MYO5B: variants seen among roughly 807,000 people sequenced by gnomAD.
MYO5B encodes the protein myosin VB.
In MYO5B, 143 loss-of-function variants were observed where a neutral mutation model predicts 229.3. That is an observed-to-expected ratio of 0.62 (90% CI 0.54 to 0.72). The LOEUF (loss-of-function observed/expected upper bound fraction) is 0.72, where lower values mean the gene tolerates loss of function less well. Among genes scored for constraint, MYO5B ranks in the 30% least tolerant of loss-of-function variants. The pLI, the probability that MYO5B is intolerant of heterozygous loss-of-function variation, is 0.00. For synonymous variants in MYO5B, 918 were observed against 885.2 expected (o/e 1.04, Z -0.66); for missense variants, 2,321 against 2,331.0 (o/e 1.00, Z 0.09).
At chr18:49,879,755 G>C (rs2024566438) in intron 23 of MYO5B, among the ~76,000 whole-genome samples, 1 of 152,172 alleles carries the variant, frequency 6.6e-6, no homozygotes, top group African/African-American at 2.4e-5. Context: ...GACTCTCCCT[G>C]CTCCTCCACA....
chr18:49,979,960 G>A (rs909844750), intron 9 of MYO5B, among the ~76,000 whole-genome samples: 2 of 152,224 alleles, frequency 1.3e-5, no homozygotes, highest in Non-Finnish European at 2.9e-5. Context: ...TTGACAGCTT[G>A]CAGTACTTTC....
At chr18:50,108,297 T>C (rs1038918001) in intron 1 of MYO5B, among the ~76,000 whole-genome samples, 3 of 152,242 alleles carry the variant, frequency 2.0e-5, no homozygotes, top group Non-Finnish European at 2.9e-5. Flanking sequence ...GAGCTTTGTC[T>C]ATAGTTGAAC....
chr18:50,005,072 G>T (rs1734378320), intron 4 of MYO5B, among the ~76,000 whole-genome samples: 2 of 152,126 alleles, frequency 1.3e-5, no homozygotes, highest in African/African-American at 4.8e-5. Context: ...AGATACCTAG[G>T]TCTCTAATTC....
At chr18:50,052,872 A>G (rs1196481914) in intron 2 of MYO5B, among the ~76,000 whole-genome samples, 1 of 152,170 alleles carries the variant, frequency 6.6e-6, no homozygotes, top group Non-Finnish European at 1.5e-5. Flanking sequence ...GGAAGGTCCT[A>G]TCATAAGTCA....
intron 10 of MYO5B, 75 bp from the exon 11 acceptor site, chr18:49,963,105 C>G: frequency 8.3e-7 from 1 of 1,208,034 alleles, no homozygotes; most frequent in South Asian, 1.2e-5. Context: ...CAAAGCTGCT[C>G]TGACCCAGGT....
chr18:50,094,632 G>C (rs2031514864), intron 1 of MYO5B, among the ~76,000 whole-genome samples: 1 of 152,080 alleles, frequency 6.6e-6, no homozygotes, highest in Non-Finnish European at 1.5e-5. Flanking sequence ...TACCAAACAA[G>C]GGAAAAAACC....
At chr18:49,996,428 G>T (rs761602900) in intron 5 of MYO5B, among the ~76,000 whole-genome samples, 6 of 152,080 alleles carry the variant, frequency 3.9e-5, no homozygotes, top group Non-Finnish European at 8.8e-5. Context: ...CACCAGTAGG[G>T]AAAACATAAA....
At chr18:49,937,185 C>G (rs1002282613) in intron 15 of MYO5B, 60 bp downstream of exon 15, 65 of 1,597,958 alleles carry the variant, frequency 4.1e-5, no homozygotes, top group Middle Eastern at 1.7e-4. Context: ...CATCCTTCAT[C>G]TACAGAGAGG....
chr18:50,094,417 C>T (rs72917854), intron 1 of MYO5B, among the ~76,000 whole-genome samples: 4,746 of 152,056 alleles, frequency 0.031, 112 homozygotes, highest in Non-Finnish European at 0.047. Context: ...GAATTATGGA[C>T]GACACTTCTT....
chr18:50,019,417 T>C (rs2026251421), intron 4 of MYO5B, among the ~76,000 whole-genome samples: 1 of 152,214 alleles, frequency 6.6e-6, no homozygotes, highest in Non-Finnish European at 1.5e-5. Context: ...GGCTACTCTA[T>C]GCTATTCTAC....
chr18:50,138,653 A>C (rs1322358293), intron 1 of MYO5B, among the ~76,000 whole-genome samples: 1 of 140,572 alleles, frequency 7.1e-6, no homozygotes, highest in African/African-American at 2.9e-5. Flanking sequence ...TTGAGTCGGA[A>C]AAAAAAAAAA....
intron 17 of MYO5B, among the ~76,000 whole-genome samples, chr18:49,921,509 C>G (rs1300767276): frequency 6.6e-6 from 1 of 152,080 alleles, no homozygotes; most frequent in Non-Finnish European, 1.5e-5. Context: ...TATTTCTTAG[C>G]CGCTGCACAG....
Position 49,991,663 on chromosome 18 carries a change from G to A in MYO5B, c.756+625C>T, listed in dbSNP as rs149439778. 6.6e-4 allele frequency among the ~76,000 whole-genome samples: 101 copies of A among 152,222 alleles called. 1 individual carries two copies. Among genetic ancestry groups the A allele is most frequent in the Non-Finnish European group, 9.7e-4 (66 of 68,018 alleles). On this transcript the variant is annotated intron_variant, in intron 6 of 39. Transcript: ENST00000285039. ...CACAGGGAGGGGAACATCAAACACC[G>A]GGGCCTGTCAGTGGGTGGAAGGCTA...
intron 12 of MYO5B, among the ~76,000 whole-genome samples, chr18:49,955,621 A>G (rs989270971): frequency 2.0e-5 from 3 of 152,254 alleles, no homozygotes; most frequent in Non-Finnish European, 2.9e-5. Flanking sequence ...TTGTAAGCAA[A>G]CTGATTTTGC....
chr18:50,135,312 G>A (rs1206684549), intron 1 of MYO5B, among the ~76,000 whole-genome samples: 1 of 152,202 alleles, frequency 6.6e-6, no homozygotes, highest in Non-Finnish European at 1.5e-5. Context: ...AGACAGGCGA[G>A]TCCAGAAGAC....
At chr18:49,843,526 A>G in intron 33 of MYO5B, 134 bp from the exon 34 acceptor site, 1 of 1,176,740 alleles carries the variant, frequency 8.5e-7, no homozygotes, top group African/African-American at 1.5e-5. Flanking sequence ...CTCAAAGAGG[A>G]TTGGGAGAGA....
At chr18:50,185,856 T>TA (rs34164208) in intron 1 of MYO5B, among the ~76,000 whole-genome samples, 76,232 of 152,018 alleles carry the variant, frequency 0.5, 19,277 homozygotes, top group Admixed American at 0.59. Context: ...ATTGCCTTTG[T>TA]AGGCTACAGG....
At chr18:50,071,728 A>G (rs1366156829) in intron 1 of MYO5B, among the ~76,000 whole-genome samples, 1 of 152,212 alleles carries the variant, frequency 6.6e-6, no homozygotes, top group Non-Finnish European at 1.5e-5. Context: ...GTTCTGTGGG[A>G]ATTTCTGGGT....
At chr18:50,095,606 T>C (rs2031535131) in intron 1 of MYO5B, among the ~76,000 whole-genome samples, 3 of 152,186 alleles carry the variant, frequency 2.0e-5, no homozygotes, top group South Asian at 4.1e-4. Context: ...AGCCCCATTG[T>C]GAATAAGGAT....
Sources: gnomAD v4.1 joint callset for allele counts (sites outside exome capture counted in the v4.1 genomes callset) on GRCh38, gnomAD v4.1.1 for gene constraint, MANE v1.5 for transcripts, NCBI Gene and HGNC (gene_info 2026-07-23, HGNC 2026-07-21) for gene names.